STAT5B: variants seen among roughly 807,000 people sequenced by gnomAD.
STAT5B encodes the protein transcription factor STAT5B.
Under a neutral mutation model 107.8 loss-of-function variants are expected in STAT5B, and 21 were observed. The ratio of observed to expected loss-of-function variants is 0.19; its 90% CI spans 0.14 to 0.28. STAT5B has a LOEUF of 0.28. Among genes scored for constraint, STAT5B ranks in the 10% least tolerant of loss-of-function variants. The pLI is 1.00. For missense variants in STAT5B, 565 were observed against 1,008.2 expected (o/e 0.56, Z 5.95); for synonymous variants, 325 against 401.7 (o/e 0.81, Z 2.28).
In STAT5B at chr17:42,210,274, T is replaced by C. The variant is rs2080117783; in HGVS notation, c.1803A>G (p.Gln601=). ...TGTTAATGAGTAGGTCATGGGCCTG[T>C]TGCTTGTTTACAAACCCCAAAATGG... is the stretch of plus-strand genomic sequence containing the variant. The part of the protein sequence containing the change: ...DGAILGFVNK[Q]QAHDLLINKP... The change falls in exon 15 of 19, where the codon CAA becomes CAG. Residue 601 remains glutamine, a synonymous_variant. Coordinates refer to ENST00000293328, the MANE Select transcript of STAT5B (RefSeq NM_012448.4). 1.9e-6 allele frequency: 3 copies of C among 1,614,224 alleles called. No homozygotes were observed. The highest frequency in any genetic ancestry group is 3.3e-4 in the Middle Eastern group (2 of 6,062).
chr17:42,256,655 C>A (rs1187332766), intron 1 of STAT5B, among the ~76,000 whole-genome samples: 1 of 151,768 alleles, frequency 6.6e-6, no homozygotes, highest in African/African-American at 2.4e-5. Context: ...GTTAGGAGAT[C>A]GAGACCATCC....
chr17:42,224,995 A>C, intron 3 of STAT5B, 127 bp from the exon 4 acceptor site: 1 of 841,024 alleles, frequency 1.2e-6, no homozygotes, highest in Non-Finnish European at 2.0e-6. Context: ...TCCAATACCA[A>C]CAGGAACAAG....
At chr17:42,285,935 G>C in the STAT5B span, among the ~76,000 whole-genome samples, 2 of 152,098 alleles carry the variant, frequency 1.3e-5, no homozygotes, top group African/African-American at 4.8e-5. Context: ...AAGCCAGAGT[G>C]GGGGCCGGGC....
chr17:42,207,846 C>T, intron 15 of STAT5B, 118 bp from the exon 16 acceptor site: 1 of 1,022,082 alleles, frequency 9.8e-7, no homozygotes, highest in Non-Finnish European at 1.5e-6. Context: ...TAGAAATCTC[C>T]ATTTAAAAAT....
At position 42,223,567 on chromosome 17, in the gene STAT5B, A is replaced by AT. The variant is rs1272864533; in HGVS notation, c.376-12dup. On this transcript the variant is annotated splice_polypyrimidine_tract_variant and intron_variant, in intron 4 of 18. Coordinates refer to ENST00000293328, the MANE Select transcript of STAT5B (RefSeq NM_012448.4). The stretch of plus-strand genomic sequence containing the variant: ...AGCTGGAGAGCTACCCTGGGAACAT[A>AT]TGGGGGGCAGTGCAAGGCAGTGCGA... 1 of 1,613,990 alleles carries AT rather than the reference A, an allele frequency of 6.2e-7. No homozygotes were observed. The highest frequency in any genetic ancestry group is 1.7e-5 in the Admixed American group (1 of 60,000).
chr17:42,261,498 G>T (rs2080596467), intron 1 of STAT5B, among the ~76,000 whole-genome samples: 1 of 152,088 alleles, frequency 6.6e-6, no homozygotes, highest in South Asian at 2.1e-4. Context: ...TTCTGTTATA[G>T]CAATTTCACT....
intron 1 of STAT5B, chr17:42,271,315 G>A (rs572594936): frequency 6.6e-6 from 1 of 152,284 alleles, no homozygotes; most frequent in Non-Finnish European, 1.5e-5. Context: ...GTAGCCTGAT[G>A]GGCATTAAAA....
intron 1 of STAT5B, among the ~76,000 whole-genome samples, chr17:42,263,519 TTTTG>T (rs1177595623): frequency 1.3e-5 from 2 of 152,214 alleles, no homozygotes; most frequent in East Asian, 1.9e-4. Flanking sequence ...TCATCTGTTT[TTTTG>T]TTTGTTTTTA....
At chr17:42,278,619 C>T (rs989543063), upstream of STAT5B, among the ~76,000 whole-genome samples, 2 of 152,114 alleles carry the variant, frequency 1.3e-5, no homozygotes, top group African/African-American at 2.4e-5. Flanking sequence ...TCAAGCAATC[C>T]TCCTGCCTCA....
Position 42,260,133 on chromosome 17 carries a change from A to G in STAT5B, c.-11+16115T>C, listed in dbSNP as rs902891937. 2.6e-5 allele frequency among the ~76,000 whole-genome samples: 4 copies of G among 152,180 alleles called. No individual in the cohort carries two copies. The East Asian group carries it at 7.7e-4, about 29-fold the overall frequency. On this transcript the variant is annotated intron_variant, in intron 1 of 18. Coordinates refer to ENST00000293328, the MANE Select transcript of STAT5B (RefSeq NM_012448.4). ...GTGCGACTGGGGAACTGAATTGCAA[A>G]TTTTATCTCATTTGAATTAACTTAA... is the stretch of plus-strand genomic sequence containing the variant.
chr17:42,207,861 A>C, intron 15 of STAT5B, 133 bp from the exon 16 acceptor site: 3 of 879,186 alleles, frequency 3.4e-6, no homozygotes, highest in Non-Finnish European at 5.3e-6. Context: ...AAAAATAACC[A>C]TGGGTTATAG....
intron 1 of STAT5B, among the ~76,000 whole-genome samples, chr17:42,251,720 T>C (rs1029622533): frequency 1.3e-5 from 2 of 151,910 alleles, no homozygotes; most frequent in Admixed American, 6.6e-5. Context: ...TACAAATAGA[T>C]TGGGTGCGGT....
chr17:42,230,224 C>A (rs1458036268), intron 2 of STAT5B, among the ~76,000 whole-genome samples: 3 of 151,882 alleles, frequency 2.0e-5, no homozygotes, highest in African/African-American at 7.3e-5. Flanking sequence ...TCTTTAGTTT[C>A]TGAACAGAAA....
upstream of STAT5B, among the ~76,000 whole-genome samples, chr17:42,280,633 C>T (rs1035869720): frequency 1.3e-5 from 2 of 152,170 alleles, no homozygotes; most frequent in Non-Finnish European, 2.9e-5. Flanking sequence ...TAGGTCAGTA[C>T]AGGACCCTGG....
intron 1 of STAT5B, among the ~76,000 whole-genome samples, chr17:42,275,757 G>A (rs1359404878): frequency 6.6e-6 from 1 of 151,958 alleles, no homozygotes; most frequent in Non-Finnish European, 1.5e-5. Context: ...GTTTCTTGAA[G>A]CTTTGCTAAT....
chr17:42,270,722 G>T (rs1479653523), intron 1 of STAT5B: 1 of 152,124 alleles, frequency 6.6e-6, no homozygotes, highest in African/African-American at 2.4e-5. Flanking sequence ...TAACAAAGTG[G>T]CAGTGGCCAG....
At chr17:42,207,511 ACACACACACACAC>A (rs762907351) in intron 16 of STAT5B, 34 bp downstream of exon 16, 3 of 1,601,476 alleles carry the variant, frequency 1.9e-6, no homozygotes, top group East Asian at 4.5e-5. Flanking sequence ...ACACACACAC[ACACACACACACAC>A]AACAAAATCA....
At chr17:42,260,917 C>CTTTTTTTTTTTTTTT (rs11402155) in intron 1 of STAT5B, among the ~76,000 whole-genome samples, 2 of 141,916 alleles carry the variant, frequency 1.4e-5, no homozygotes, top group African/African-American at 2.6e-5. Context: ...TATGTCTTAC[C>CTTTTTTTTTTTTTTT]TTTTTTTTTT....
intron 1 of STAT5B, among the ~76,000 whole-genome samples, chr17:42,237,644 G>A (rs954471780): frequency 3.9e-5 from 6 of 152,010 alleles, no homozygotes; most frequent in African/African-American, 1.4e-4. Context: ...GATTTGGTCT[G>A]CTGGATTCAT....
Sources: allele counts gnomAD v4.1 joint callset (sites outside exome capture counted in the v4.1 genomes callset), GRCh38; gene constraint gnomAD v4.1.1; transcripts MANE v1.5; gene names NCBI Gene and HGNC (gene_info 2026-07-23, HGNC 2026-07-21).